Variants in STK32B observed in about 807,000 individuals in gnomAD.
The protein encoded by STK32B is serine/threonine-protein kinase 32B.
STK32B carries 43 observed loss-of-function variants against 52.6 expected under a neutral mutation model. That is an observed-to-expected ratio of 0.82 (90% confidence interval 0.64 to 1.05). The LOEUF is 1.05. Ranked by LOEUF, STK32B falls within the 50% of genes least tolerant of loss-of-function variation. The pLI is 0.00. For missense variants in STK32B, 621 were observed against 534.6 expected (o/e 1.16, Z -1.59); for synonymous variants, 238 against 204.3 (o/e 1.17, Z -1.41).
At chr4:5,302,982 CTG>C (rs112918767) in intron 3 of STK32B, among the ~76,000 whole-genome samples, 116 of 149,886 alleles carry the variant, frequency 7.7e-4, no homozygotes, top group African/African-American at 2.4e-3. Flanking sequence ...GTGTGTGTGT[CTG>C]TGTGTGTGTG....
intron 4 of STK32B, among the ~76,000 whole-genome samples, chr4:5,387,405 C>G (rs997683304): frequency 6.6e-6 from 1 of 152,178 alleles, no homozygotes; most frequent in South Asian, 2.1e-4. Context: ...AGCACATATA[C>G]CCTGTGCTCA....
intron 3 of STK32B, among the ~76,000 whole-genome samples, chr4:5,282,326 T>A (rs181368034): frequency 1.9e-4 from 29 of 152,276 alleles, no homozygotes; most frequent in African/African-American, 7.0e-4. Flanking sequence ...GTCCCTTATA[T>A]AAAATGCCAC....
At chr4:5,455,304 G>A (rs1164900495) in intron 7 of STK32B, among the ~76,000 whole-genome samples, 4 of 152,224 alleles carry the variant, frequency 2.6e-5, no homozygotes, top group Non-Finnish European at 5.9e-5. Context: ...CTTAAGTGCC[G>A]CAGTGTTACC....
chr4:5,187,777 A>T (rs966488075), intron 3 of STK32B, among the ~76,000 whole-genome samples: 1 of 152,248 alleles, frequency 6.6e-6, no homozygotes, highest in Non-Finnish European at 1.5e-5. Flanking sequence ...CGGCTCCCGC[A>T]CAACTCTGCC....
intron 6 of STK32B, chr4:5,437,800 C>A: frequency 1.9e-6 from 1 of 524,426 alleles, no homozygotes; most frequent in Non-Finnish European, 2.4e-6. Context: ...ATATGTGGTT[C>A]ACACCTGTCC....
chr4:5,213,610 C>T (rs1219330988), intron 3 of STK32B, among the ~76,000 whole-genome samples: 3 of 152,180 alleles, frequency 2.0e-5, no homozygotes, highest in African/African-American at 7.2e-5. Context: ...TTCTTATATG[C>T]ACCTTGATTA....
intron 11 of STK32B, among the ~76,000 whole-genome samples, chr4:5,484,055 G>A (rs1164388857): frequency 3.3e-5 from 5 of 152,180 alleles, no homozygotes; most frequent in African/African-American, 1.2e-4. Flanking sequence ...GGAAAAGAAT[G>A]TATATTCTGT....
At chr4:5,440,993 T>G (rs1367158785) in intron 6 of STK32B, among the ~76,000 whole-genome samples, 2 of 150,520 alleles carry the variant, frequency 1.3e-5, no homozygotes, top group Non-Finnish European at 3.0e-5. Flanking sequence ...GATGTGCTGC[T>G]GGATTCGTTT....
intron 3 of STK32B, among the ~76,000 whole-genome samples, chr4:5,299,977 A>G (rs1729449268): frequency 6.6e-6 from 1 of 152,106 alleles, no homozygotes; most frequent in African/African-American, 2.4e-5. Context: ...TCCAGCAAAG[A>G]TATAACAAAA....
At chr4:5,450,544 C>T (rs997903324) in intron 7 of STK32B, among the ~76,000 whole-genome samples, 1 of 152,164 alleles carries the variant, frequency 6.6e-6, no homozygotes, top group African/African-American at 2.4e-5. Context: ...AAAGCTGCTT[C>T]CTTATAATAG....
chr4:5,319,475 T>G (rs1731342466), intron 3 of STK32B, among the ~76,000 whole-genome samples: 1 of 152,174 alleles, frequency 6.6e-6, no homozygotes, highest in Non-Finnish European at 1.5e-5. Context: ...TGGCTTCCCC[T>G]TGTGCAAGAA....
intron 8 of STK32B, chr4:5,458,615 A>T (rs1373792659): frequency 6.6e-6 from 1 of 152,354 alleles, no homozygotes; most frequent in Non-Finnish European, 1.5e-5. Context: ...CTGTTAAATT[A>T]CTTTAAAGGA....
At chr4:5,066,861 A>G (rs1159770987) in intron 1 of STK32B, among the ~76,000 whole-genome samples, 3 of 152,190 alleles carry the variant, frequency 2.0e-5, no homozygotes, top group East Asian at 1.9e-4. Context: ...TCTTTCTTCA[A>G]GATGCCTTAT....
intron 3 of STK32B, among the ~76,000 whole-genome samples, chr4:5,315,435 GAGTA>G (rs1201148959): frequency 1.6e-5 from 2 of 121,656 alleles, no homozygotes; most frequent in African/African-American, 1.2e-4. Context: ...AACACTTACT[GAGTA>G]TTTATATGTC....
chr4:5,160,847 C>G (rs1718385663), intron 2 of STK32B, among the ~76,000 whole-genome samples: 1 of 152,184 alleles, frequency 6.6e-6, no homozygotes, highest in South Asian at 2.1e-4. Flanking sequence ...CTGGGGACGG[C>G]TTTGCCCCTT....
In STK32B at chr4:5,122,154, CT is replaced by C. The variant is rs895726943; in HGVS notation, c.53-17749del. ...GTTTCACTCACACACTCATTCACTC[CT>C]TCATTCACTTATTCACTTCTTCACT... is the stretch of plus-strand genomic sequence containing the variant. On this transcript the variant is annotated intron_variant, in intron 1 of 11. Transcript: ENST00000282908. Among the ~76,000 whole-genome samples the C allele has an allele frequency of 6.3e-4, 94 of 150,212 alleles. 2 individuals are homozygous for C. Among genetic ancestry groups the C allele is most frequent in the Admixed American group, 2.2e-3 (34 of 15,220 alleles).
At chr4:5,301,745 GC>G (rs1265495631) in intron 3 of STK32B, among the ~76,000 whole-genome samples, 2 of 121,150 alleles carry the variant, frequency 1.7e-5, no homozygotes, top group African/African-American at 3.6e-5. Context: ...AGTTCCATTA[GC>G]TTTTTTTTTT....
Position 5,140,829 on chromosome 4 carries a change from G to A in STK32B, c.108+869G>A, listed in dbSNP as rs985255984. On this transcript the variant is annotated intron_variant, in intron 2 of 11. Coordinates refer to ENST00000282908, the MANE Select transcript of STK32B (RefSeq NM_018401.3). ...TAATTGCATGCAAACTCTGTACCAG[G>A]CACTATTTTAGACTCTGTTGATCAG... Among the ~76,000 whole-genome samples the A allele has an allele frequency of 3.3e-5, 5 of 152,220 alleles. No individual in the cohort carries two copies. In the South Asian group the frequency reaches 1.0e-3, roughly 32 times the overall value.
rs79811036 is a variant in STK32B, at chr4:5,306,266, T to G, written c.261-24954T>G. 9.6e-3 allele frequency among the ~76,000 whole-genome samples: 1,457 copies of G among 152,248 alleles called. 53 individuals carry two copies. The East Asian group carries it at 0.11, about 12-fold the overall frequency. On this transcript the variant is annotated intron_variant, in intron 3 of 11. Coordinates refer to ENST00000282908, the MANE Select transcript of STK32B (RefSeq NM_018401.3). ...AAGTTCATTGTTTCTTTGTGGACTT[T>G]CTGTCTTGATGACCTTTCTAGTGCT...
Sources: gnomAD v4.1 joint callset for allele counts (sites outside exome capture counted in the v4.1 genomes callset) on GRCh38, gnomAD v4.1.1 for gene constraint, MANE v1.5 for transcripts, NCBI Gene and HGNC (gene_info 2026-07-23, HGNC 2026-07-21) for gene names.